Variants in AFG2A observed in about 807,000 individuals in gnomAD.
The protein encoded by AFG2A is ATPase family gene 2 protein homolog A.
chr4:123,314,560 G>A, the AFG2A span: 2 of 152,168 alleles, frequency 1.3e-5, no homozygotes, highest in Admixed American at 1.3e-4. Flanking sequence ...GGCTTATGTG[G>A]CCTTGTTTTC....
the AFG2A span, among the ~76,000 whole-genome samples, chr4:123,295,258 G>T: frequency 6.6e-6 from 1 of 152,194 alleles, no homozygotes; most frequent in Admixed American, 6.5e-5. Context: ...AGAGGCATAA[G>T]CCTTGGAAGG....
the AFG2A span, among the ~76,000 whole-genome samples, chr4:123,066,190 G>A: frequency 6.6e-5 from 10 of 152,210 alleles, no homozygotes; most frequent in African/African-American, 1.7e-4. Context: ...AGAGGTCTGC[G>A]TTTTAAAATA....
the AFG2A span, among the ~76,000 whole-genome samples, chr4:123,163,758 C>G: frequency 3.9e-5 from 6 of 152,258 alleles, no homozygotes; most frequent in Non-Finnish European, 7.4e-5. Flanking sequence ...ATTAGGCAAC[C>G]CTTGAAAGGA....
chr4:123,271,866 G>GT, the AFG2A span, among the ~76,000 whole-genome samples: 135 of 150,096 alleles, frequency 9.0e-4, no homozygotes, highest in African/African-American at 1.6e-3. Context: ...TTCCTAATAT[G>GT]TTTTTTTTTT....
the AFG2A span, among the ~76,000 whole-genome samples, chr4:123,268,509 C>T: frequency 6.6e-6 from 1 of 152,160 alleles, no homozygotes; most frequent in East Asian, 1.9e-4. Context: ...TTGAAAGCCT[C>T]TACCAAGTGT....
At chr4:123,263,788 G>A in the AFG2A span, among the ~76,000 whole-genome samples, 2 of 152,148 alleles carry the variant, frequency 1.3e-5, no homozygotes, top group Admixed American at 6.5e-5. Context: ...CAATCACTAT[G>A]GAAAACAGTG....
the AFG2A span, among the ~76,000 whole-genome samples, chr4:123,035,483 T>C: frequency 6.6e-6 from 1 of 152,204 alleles, no homozygotes; most frequent in African/African-American, 2.4e-5. Context: ...ATATACTTAG[T>C]TTTATCCCTG....
chr4:123,167,409 A>G, the AFG2A span, among the ~76,000 whole-genome samples: 120,491 of 151,708 alleles, frequency 0.79, 48,549 homozygotes, highest in Non-Finnish European at 0.85. Context: ...GTGCAGTGGC[A>G]CGATTTCGGC....
At chr4:122,954,248 T>G in the AFG2A span, among the ~76,000 whole-genome samples, 1 of 152,060 alleles carries the variant, frequency 6.6e-6, no homozygotes, top group Non-Finnish European at 1.5e-5. Flanking sequence ...CTGGAGAGTA[T>G]AACACCCTCC....
At chr4:123,048,900 T>C in the AFG2A span, among the ~76,000 whole-genome samples, 1 of 152,176 alleles carries the variant, frequency 6.6e-6, no homozygotes, top group Non-Finnish European at 1.5e-5. Flanking sequence ...CAGTATTATG[T>C]TGAATAGAAG....
the AFG2A span, among the ~76,000 whole-genome samples, chr4:122,986,897 T>G: frequency 3.3e-5 from 5 of 152,228 alleles, no homozygotes; most frequent in Non-Finnish European, 7.3e-5. Flanking sequence ...CTTGATGATT[T>G]GCCATTGTTG....
At chr4:123,209,847 A>G in the AFG2A span, among the ~76,000 whole-genome samples, 1 of 152,136 alleles carries the variant, frequency 6.6e-6, no homozygotes, top group South Asian at 2.1e-4. Flanking sequence ...TATTGGCTGT[A>G]TCCCTTTATA....
At chr4:123,286,986 G>T in the AFG2A span, among the ~76,000 whole-genome samples, 1 of 152,062 alleles carries the variant, frequency 6.6e-6, no homozygotes, top group African/African-American at 2.4e-5. Context: ...CACCAGTTTT[G>T]CAGGGCTCGG....
the AFG2A span, among the ~76,000 whole-genome samples, chr4:123,107,136 G>T: frequency 7.9e-4 from 120 of 152,222 alleles, 3 homozygotes; most frequent in South Asian, 0.012. Context: ...CTGCCTCAGG[G>T]AGCCCCTAGG....
the AFG2A span, among the ~76,000 whole-genome samples, chr4:122,989,468 G>C: frequency 6.6e-6 from 1 of 152,168 alleles, no homozygotes; most frequent in African/African-American, 2.4e-5. Context: ...CCTGGAGCCT[G>C]TGTCTATGGG....
chr4:123,156,745 A>C, the AFG2A span, among the ~76,000 whole-genome samples: 1 of 142,952 alleles, frequency 7.0e-6, no homozygotes, highest in African/African-American at 2.5e-5. Context: ...GTTCTCTAAG[A>C]TAGTTAAGAA....
the AFG2A span, among the ~76,000 whole-genome samples, chr4:122,923,528 G>T: frequency 6.6e-6 from 1 of 152,134 alleles, no homozygotes; most frequent in Non-Finnish European, 1.5e-5. Flanking sequence ...CGTGTCCAAG[G>T]TTTCTCTTTT....
At chr4:122,950,842 C>T in the AFG2A span, among the ~76,000 whole-genome samples, 1 of 152,204 alleles carries the variant, frequency 6.6e-6, no homozygotes, top group African/African-American at 2.4e-5. Flanking sequence ...CCTGGGTGAT[C>T]TTTCTGGTAT....
chr4:123,113,671 T>G, the AFG2A span, among the ~76,000 whole-genome samples: 1 of 152,190 alleles, frequency 6.6e-6, no homozygotes, highest in African/African-American at 2.4e-5. Flanking sequence ...TCCCCAAGGT[T>G]GGGCCTGATT....
Sources: gnomAD v4.1 joint callset for allele counts (sites outside exome capture counted in the v4.1 genomes callset) on GRCh38, gnomAD v4.1.1 for gene constraint, MANE v1.5 for transcripts, NCBI Gene and HGNC (gene_info 2026-07-23, HGNC 2026-07-21) for gene names.